The following SIPA1L2 variants were observed in gnomAD, a reference collection of about 807,000 sequenced individuals.
The protein encoded by SIPA1L2 is signal induced proliferation associated 1 like 2, also known as signal-induced proliferation-associated 1-like protein 2.
In SIPA1L2, 56 loss-of-function variants were observed where a neutral mutation model predicts 163.9. That is an observed-to-expected ratio of 0.34 (90% CI 0.28 to 0.43). SIPA1L2 has a LOEUF of 0.43. SIPA1L2 is among the 20% of genes least tolerant of loss of function. The pLI, the probability that SIPA1L2 is intolerant of heterozygous loss-of-function variation, is 1.00. For synonymous variants in SIPA1L2, 877 were observed against 865.7 expected (o/e 1.01, Z -0.23); for missense variants, 1,974 against 2,193.5 (o/e 0.90, Z 2.00).
intron 1 of SIPA1L2, among the ~76,000 whole-genome samples, chr1:232,609,897 C>A (rs985110213): frequency 6.6e-6 from 1 of 150,848 alleles, no homozygotes; most frequent in African/African-American, 2.4e-5. Context: ...AAATTAAAAT[C>A]TTAAAATAAT....
intron 2 of SIPA1L2, among the ~76,000 whole-genome samples, chr1:232,528,406 C>T (rs553767562): frequency 6.6e-6 from 1 of 152,166 alleles, no homozygotes; most frequent in Admixed American, 6.5e-5. Flanking sequence ...CGCAGGTTCT[C>T]AAATTTACAC....
At chr1:232,496,713 TTAAAAC>T (rs1666214261) in intron 3 of SIPA1L2, among the ~76,000 whole-genome samples, 1 of 152,200 alleles carries the variant, frequency 6.6e-6, no homozygotes, top group Non-Finnish European at 1.5e-5. Context: ...ATTTTTAAAC[TTAAAAC>T]TAAATCATTT....
intron 10 of SIPA1L2, among the ~76,000 whole-genome samples, chr1:232,453,763 T>G (rs1484107195): frequency 2.2e-5 from 3 of 138,212 alleles, no homozygotes; most frequent in Admixed American, 7.3e-5. Context: ...TTTTTTTTTT[T>G]GAAAACCATC....
chr1:232,564,523 G>A (rs568707954), intron 2 of SIPA1L2, among the ~76,000 whole-genome samples: 96 of 152,086 alleles, frequency 6.3e-4, no homozygotes, highest in African/African-American at 2.2e-3. Context: ...CACCCTTCTA[G>A]AGAGCACTCC....
At chr1:232,555,014 C>T (rs367934770) in intron 2 of SIPA1L2, among the ~76,000 whole-genome samples, 1 of 152,166 alleles carries the variant, frequency 6.6e-6, no homozygotes, top group African/African-American at 2.4e-5. Context: ...ATTGAGTTTA[C>T]AAACTTATGG....
At chr1:232,542,474 G>C (rs1249110069) in intron 2 of SIPA1L2, among the ~76,000 whole-genome samples, 1 of 152,184 alleles carries the variant, frequency 6.6e-6, no homozygotes, top group Non-Finnish European at 1.5e-5. Flanking sequence ...TCTTAAGACA[G>C]GGTACCAGAA....
chr1:232,477,540 C>G (rs559125663), intron 7 of SIPA1L2, among the ~76,000 whole-genome samples: 43 of 152,234 alleles, frequency 2.8e-4, no homozygotes, highest in African/African-American at 1.0e-3. Flanking sequence ...CCAGCTTTCT[C>G]GAGTTTGGAA....
At chr1:232,447,686 G>A (rs1301816892) in intron 10 of SIPA1L2, among the ~76,000 whole-genome samples, 1 of 152,174 alleles carries the variant, frequency 6.6e-6, no homozygotes, top group Non-Finnish European at 1.5e-5. Flanking sequence ...CATGGTTTTG[G>A]TTCTGGCTAG....
intron 18 of SIPA1L2, among the ~76,000 whole-genome samples, chr1:232,416,969 A>G (rs1661300496): frequency 6.6e-6 from 1 of 152,202 alleles, no homozygotes; most frequent in African/African-American, 2.4e-5. Flanking sequence ...AAAGGCTTCA[A>G]CTGGACTTTA....
chr1:232,496,560 C>CAAAA lies in SIPA1L2; in HGVS notation c.1484-2904_1484-2901dup, dbSNP rs71162247. On this transcript the variant is annotated intron_variant, in intron 3 of 22. Transcript: ENST00000674635. ...TAAGAAGAGCTGATCCAGAAGCAGG[C>CAAAA]AAAAAAAAAAAAAAAGATATTCAAT... Among the ~76,000 whole-genome samples the CAAAA allele has an allele frequency of 1.6e-3, 171 of 105,320 alleles. 2 individuals carry two copies. Among genetic ancestry groups the CAAAA allele is most frequent in the South Asian group, 3.0e-3 (10 of 3,372 alleles). The allele number at this position is 105,320 out of a possible 152,430, so 69.1% of individuals were successfully genotyped here.
At chr1:232,523,279 G>C (rs1281804381) in intron 2 of SIPA1L2, among the ~76,000 whole-genome samples, 1 of 152,196 alleles carries the variant, frequency 6.6e-6, no homozygotes, top group African/African-American at 2.4e-5. Context: ...GAAGGAGACA[G>C]AAGAACAGCT....
intron 10 of SIPA1L2, among the ~76,000 whole-genome samples, chr1:232,459,320 T>C (rs893994646): frequency 6.6e-6 from 1 of 152,134 alleles, no homozygotes. Flanking sequence ...CTCTGAACGG[T>C]ACAGACACAG....
intron 3 of SIPA1L2, among the ~76,000 whole-genome samples, chr1:232,501,290 A>G (rs1227106167): frequency 6.6e-6 from 1 of 152,158 alleles, no homozygotes; most frequent in African/African-American, 2.4e-5. Context: ...TCTGCATAGT[A>G]GACTACAGTA....
chr1:232,428,014 G>A (rs1455073759), intron 17 of SIPA1L2, among the ~76,000 whole-genome samples: 1 of 152,166 alleles, frequency 6.6e-6, no homozygotes, highest in African/African-American at 2.4e-5. Context: ...GCTGTACTAG[G>A]CTCTTCAGAC....
At chr1:232,563,971 G>T (rs1447109504) in intron 2 of SIPA1L2, among the ~76,000 whole-genome samples, 1 of 133,724 alleles carries the variant, frequency 7.5e-6, no homozygotes, top group African/African-American at 3.3e-5. Flanking sequence ...GTGTGTGTGT[G>T]TGTGTGTGTG....
chr1:232,462,326 T>G (rs750734482), intron 9 of SIPA1L2: 2 of 1,544,110 alleles, frequency 1.3e-6, no homozygotes, highest in African/African-American at 1.4e-5. Context: ...CCAGAGGCAA[T>G]GTATGAAGTT....
At chr1:232,501,191 G>A (rs1335528347) in intron 3 of SIPA1L2, among the ~76,000 whole-genome samples, 5 of 151,300 alleles carry the variant, frequency 3.3e-5, no homozygotes, top group African/African-American at 1.2e-4. Context: ...CTGAGTAGCT[G>A]GGACTACAGG....
At chr1:232,551,180 T>A (rs1442664414) in intron 2 of SIPA1L2, among the ~76,000 whole-genome samples, 2 of 152,234 alleles carry the variant, frequency 1.3e-5, no homozygotes, top group African/African-American at 2.4e-5. Context: ...GCAGAATGCA[T>A]GTGTTTGGGA....
At chr1:232,508,146 G>A (rs1405910548) in intron 3 of SIPA1L2, among the ~76,000 whole-genome samples, 1 of 152,152 alleles carries the variant, frequency 6.6e-6, no homozygotes, top group East Asian at 1.9e-4. Flanking sequence ...TGTGCCAGCA[G>A]AATGGCTCTA....
Sources: gnomAD v4.1 joint callset for allele counts (sites outside exome capture counted in the v4.1 genomes callset) on GRCh38, gnomAD v4.1.1 for gene constraint, MANE v1.5 for transcripts, NCBI Gene and HGNC (gene_info 2026-07-23, HGNC 2026-07-21) for gene names.